The following TBC1D5 variants were observed in gnomAD, a reference collection of about 807,000 sequenced individuals.
The protein encoded by TBC1D5 is TBC1 domain family, member 5.
A neutral mutation model predicts 100.3 loss-of-function variants in TBC1D5; 75 were observed. The ratio of observed to expected loss-of-function variants is 0.75; its 90% CI spans 0.62 to 0.91. TBC1D5 has a LOEUF of 0.91. Ranked by LOEUF, TBC1D5 falls within the 40% of genes least tolerant of loss-of-function variation. The probability of loss-of-function intolerance (pLI) is 0.00; values close to 1 mark genes in which losing one functional copy is unlikely to be tolerated. For synonymous variants in TBC1D5, 323 were observed against 325.6 expected (o/e 0.99, Z 0.09); for missense variants, 910 against 942.4 (o/e 0.97, Z 0.45).
chr3:17,208,454 G>C (rs144522680), intron 18 of TBC1D5, among the ~76,000 whole-genome samples: 1 of 152,242 alleles, frequency 6.6e-6, no homozygotes, highest in Admixed American at 6.5e-5. Context: ...GGCGCAATCC[G>C]ATTAAGTGCC....
intron 3 of TBC1D5, among the ~76,000 whole-genome samples, chr3:17,459,993 GTCTA>G (rs1388466494): frequency 6.6e-6 from 1 of 152,174 alleles, no homozygotes; most frequent in Non-Finnish European, 1.5e-5. Flanking sequence ...ATGGAACATG[GTCTA>G]TCTAATATTT....
intron 10 of TBC1D5, 89 bp from the exon 11 acceptor site, chr3:17,374,768 C>T: frequency 2.3e-6 from 3 of 1,321,302 alleles, no homozygotes; most frequent in Non-Finnish European, 3.1e-6. Flanking sequence ...AGACAACTTT[C>T]ATATAATATG....
At chr3:17,737,017 T>TA (rs953708297) in intron 1 of TBC1D5, among the ~76,000 whole-genome samples, 11 of 151,452 alleles carry the variant, frequency 7.3e-5, no homozygotes, top group South Asian at 2.1e-4. Flanking sequence ...TGTCTCAATT[T>TA]AAAAAAAAGA....
intron 15 of TBC1D5, among the ~76,000 whole-genome samples, chr3:17,268,163 T>C (rs912253961): frequency 6.6e-6 from 1 of 152,042 alleles, no homozygotes; most frequent in African/African-American, 2.4e-5. Context: ...CTAGACTCCA[T>C]GTGTCATTTT....
chr3:17,255,053 G>C (rs1162041551), intron 16 of TBC1D5, among the ~76,000 whole-genome samples: 2 of 152,112 alleles, frequency 1.3e-5, no homozygotes, highest in Non-Finnish European at 2.9e-5. Flanking sequence ...ATAAATTAAG[G>C]ACCCATCTGT....
intron 13 of TBC1D5, among the ~76,000 whole-genome samples, chr3:17,358,015 T>C (rs2091369872): frequency 6.6e-6 from 1 of 152,182 alleles, no homozygotes; most frequent in South Asian, 2.1e-4. Flanking sequence ...CATTAAAATA[T>C]ATATGTAGTT....
exon 13 of TBC1D5, chr3:17,372,121 A>G (rs2092492859): frequency 1.2e-6 from 2 of 1,613,486 alleles, no homozygotes; most frequent in Admixed American, 1.7e-5. Context: ...AAGTGCATGT[A>G]AAGCTCAATA....
intron 3 of TBC1D5, among the ~76,000 whole-genome samples, chr3:17,435,632 G>A (rs2094521620): frequency 6.6e-6 from 1 of 152,172 alleles, no homozygotes; most frequent in South Asian, 2.1e-4. Flanking sequence ...ATGACACATG[G>A]GGATTATGGG....
At chr3:17,642,284 G>C (rs1351126135) in intron 1 of TBC1D5, among the ~76,000 whole-genome samples, 1 of 152,040 alleles carries the variant, frequency 6.6e-6, no homozygotes, top group Non-Finnish European at 1.5e-5. Context: ...GACTGAAGTG[G>C]AAGCAATCTG....
chr3:17,341,757 T>C (rs773845971), intron 13 of TBC1D5, among the ~76,000 whole-genome samples: 12 of 152,314 alleles, frequency 7.9e-5, no homozygotes, highest in Non-Finnish European at 1.3e-4. Context: ...TAAAAATAAC[T>C]GCAAAACAAA....
chr3:17,705,029 GGGC>G, intron 1 of TBC1D5, among the ~76,000 whole-genome samples: 1 of 136,686 alleles, frequency 7.3e-6, no homozygotes, highest in Non-Finnish European at 1.6e-5. Context: ...CTCCCGGACG[GGGC>G]GGCTGGCCAG....
At chr3:17,632,331 C>T (rs1185896558) in intron 1 of TBC1D5, among the ~76,000 whole-genome samples, 1 of 152,152 alleles carries the variant, frequency 6.6e-6, no homozygotes, top group African/African-American at 2.4e-5. Flanking sequence ...GAATTTGCTT[C>T]TTATGGATGA....
chr3:17,310,429 A>G (rs1388324653), intron 13 of TBC1D5, among the ~76,000 whole-genome samples: 1 of 152,072 alleles, frequency 6.6e-6, no homozygotes, highest in African/African-American at 2.4e-5. Context: ...TACCTTGCCA[A>G]GTACACTGCT....
intron 17 of TBC1D5, among the ~76,000 whole-genome samples, chr3:17,231,645 ATT>A (rs201601312): frequency 6.6e-6 from 1 of 151,654 alleles, no homozygotes. Flanking sequence ...CATAGATAGA[ATT>A]TTTTTTTCTG....
chr3:17,550,725 G>A (rs936095204), intron 2 of TBC1D5, among the ~76,000 whole-genome samples: 3 of 151,738 alleles, frequency 2.0e-5, no homozygotes, highest in Admixed American at 1.3e-4. Flanking sequence ...TAGTTCTTGG[G>A]GCAATCTAAC....
intron 19 of TBC1D5, among the ~76,000 whole-genome samples, chr3:17,178,593 T>C (rs145133454): frequency 6.6e-6 from 1 of 152,296 alleles, no homozygotes; most frequent in African/African-American, 2.4e-5. Flanking sequence ...CTCCAAACTG[T>C]TCTCTATAGT....
chr3:17,282,100 G>A (rs2080671413), intron 15 of TBC1D5, among the ~76,000 whole-genome samples: 1 of 152,084 alleles, frequency 6.6e-6, no homozygotes, highest in South Asian at 2.1e-4. Context: ...AGAGATTATA[G>A]GCTAATTAAG....
intron 8 of TBC1D5, among the ~76,000 whole-genome samples, chr3:17,384,723 A>G (rs561941040): frequency 1.1e-4 from 17 of 152,072 alleles, no homozygotes; most frequent in Non-Finnish European, 2.2e-4. Flanking sequence ...GAAGGCACAG[A>G]AGGCAATGGG....
At chr3:17,473,126 T>C (rs537880594) in intron 3 of TBC1D5, among the ~76,000 whole-genome samples, 1 of 152,212 alleles carries the variant, frequency 6.6e-6, no homozygotes, top group African/African-American at 2.4e-5. Context: ...AATATCTCGG[T>C]CAAGTGCAGT....
Sources: allele counts gnomAD v4.1 joint callset (sites outside exome capture counted in the v4.1 genomes callset), GRCh38; gene constraint gnomAD v4.1.1; transcripts MANE v1.5; gene names NCBI Gene and HGNC (gene_info 2026-07-23, HGNC 2026-07-21).